The following SLC9A3 variants were observed in gnomAD, a reference collection of about 807,000 sequenced individuals.
SLC9A3 encodes the protein sodium/hydrogen exchanger 3.
A neutral mutation model predicts 86.8 loss-of-function variants in SLC9A3; 37 were observed. That is an observed-to-expected ratio of 0.43 (90% CI 0.33 to 0.56). SLC9A3 has a LOEUF of 0.56. SLC9A3 is among the 20% of genes least tolerant of loss of function. SLC9A3 has a pLI of 0.06. For synonymous variants in SLC9A3, 581 were observed against 528.3 expected, an observed-to-expected ratio of 1.10 and a Z score of -1.37; for missense variants, 1,011 against 1,171.9, an observed-to-expected ratio of 0.86 and a Z score of 2.00.
intron 2 of SLC9A3, among the ~76,000 whole-genome samples, chr5:490,823 T>G (rs1288771618): frequency 6.6e-6 from 1 of 152,176 alleles, no homozygotes; most frequent in Non-Finnish European, 1.5e-5. Flanking sequence ...GTCTGTGCCC[T>G]CGGCAGCTTT....
chr5:488,316 C>T lies in SLC9A3; in HGVS notation c.675G>A (p.Val225=). 2 of 1,612,586 alleles carry T rather than the reference C, an allele frequency of 1.2e-6. No homozygotes were observed. Among genetic ancestry groups the T allele is most frequent in the Non-Finnish European group, 1.7e-6 (2 of 1,179,808 alleles). Reference sequence around the variant, plus strand: ...CTGGAGCGGTGGCTCCGTTGCTCACCACGGTGACTGCGTCGTTCAGCAGCG... The same window carrying T: ...CTGGAGCGGTGGCTCCGTTGCTCACTACGGTGACTGCGTCGTTCAGCAGCG... ...GESLLNDAVT[V]VLYNVFESFV... The change falls in exon 3 of 17, where the codon GTG becomes GTA. Residue 225 remains valine, a splice_region_variant and synonymous_variant. Transcript: ENST00000264938.
intron 1 of SLC9A3, among the ~76,000 whole-genome samples, chr5:503,586 C>A (rs1467434149): frequency 6.6e-6 from 1 of 152,136 alleles, no homozygotes; most frequent in African/African-American, 2.4e-5. Flanking sequence ...GGCGGGGAAA[C>A]CTTGAAGAGC....
At chr5:521,301 CCTG>C (rs948171311) in intron 1 of SLC9A3, among the ~76,000 whole-genome samples, 20 of 152,250 alleles carry the variant, frequency 1.3e-4, no homozygotes, top group African/African-American at 4.8e-4. Context: ...TCCTGGGCCA[CCTG>C]CTGAGGCCCC....
At chr5:517,677 TCCATCCATCCATCCAC>T (rs1733771851) in intron 1 of SLC9A3, among the ~76,000 whole-genome samples, 1 of 149,774 alleles carries the variant, frequency 6.7e-6, no homozygotes, top group East Asian at 2.0e-4. Context: ...CATCTATCCA[TCCATCCATCCATCCAC>T]CCATCCATCC....
At chr5:483,843 C>T (rs142206311) in intron 5 of SLC9A3, among the ~76,000 whole-genome samples, 1 of 152,260 alleles carries the variant, frequency 6.6e-6, no homozygotes, top group Non-Finnish European at 1.5e-5. Context: ...TAAATAAATT[C>T]TTTGCCCCAC....
At chr5:501,514 C>T (rs1029388762) in intron 1 of SLC9A3, among the ~76,000 whole-genome samples, 1 of 151,966 alleles carries the variant, frequency 6.6e-6, no homozygotes, top group Non-Finnish European at 1.5e-5. Context: ...CCGGGGCATT[C>T]CACAGGCAGG....
chr5:507,670 ACAGACGCCCGAAT>A (rs1740665405), intron 1 of SLC9A3, among the ~76,000 whole-genome samples: 1 of 42,588 alleles, frequency 2.3e-5, no homozygotes, highest in East Asian at 6.7e-4. Flanking sequence ...CCGAATCCCC[ACAGACGCCCGAAT>A]CCCCACCCCG....
At chr5:485,086 G>T (rs2126621709) in intron 4 of SLC9A3, 67 bp downstream of exon 4, 1 of 1,197,528 alleles carries the variant, frequency 8.4e-7, no homozygotes. Context: ...TGGGCTGCAG[G>T]CCAGAGAAGA....
Position 524,146 on chromosome 5 carries a change from C to A in SLC9A3, c.177G>T (p.Ala59=), listed in dbSNP as rs1253265166. ...WAHVQDPYVI[A]LWILVASLAK... ...CCAAGCTGGCCACGAGGATCCAGAG[C>A]GCGATGACGTAGGGATCCTGCACGT... The change falls in exon 1 of 17, where the codon GCG becomes GCT. Residue 59 remains alanine (A), a synonymous_variant. Transcript: ENST00000264938. 4.5e-6 allele frequency: 7 copies of A among 1,539,800 alleles called. No homozygotes were observed. Among genetic ancestry groups the A allele is most frequent in the African/African-American group, 2.8e-5 (2 of 70,396 alleles).
chr5:498,457 C>T (rs1426519691), intron 1 of SLC9A3, among the ~76,000 whole-genome samples: 1 of 152,244 alleles, frequency 6.6e-6, no homozygotes, highest in East Asian at 1.9e-4. Flanking sequence ...GACTGGAGTG[C>T]AGCGGCACCA....
intron 4 of SLC9A3, 69 bp downstream of exon 4, chr5:485,084 A>AG: frequency 8.6e-7 from 1 of 1,164,768 alleles, no homozygotes; most frequent in Non-Finnish European, 1.3e-6. Flanking sequence ...CATGGGCTGC[A>AG]GGCCAGAGAA....
At chr5:476,495 C>T (rs529920195) in intron 12 of SLC9A3, 48 bp downstream of exon 12, 2 of 1,604,118 alleles carry the variant, frequency 1.2e-6, no homozygotes, top group Admixed American at 3.3e-5. Flanking sequence ...GGAAGCCGCC[C>T]CACGGGGTCC....
At chr5:483,105 C>T (rs1739293205) in intron 6 of SLC9A3, among the ~76,000 whole-genome samples, 157 bp downstream of exon 6, 1 of 152,042 alleles carries the variant, frequency 6.6e-6, no homozygotes, top group Non-Finnish European at 1.5e-5. Context: ...TCCAGAGCCT[C>T]CCACCCCAGC....
intron 1 of SLC9A3, among the ~76,000 whole-genome samples, chr5:492,406 C>CG (rs1739816168): frequency 7.4e-5 from 1 of 13,484 alleles, no homozygotes; most frequent in African/African-American, 3.3e-4. Context: ...GGAGGGAGGT[C>CG]GGGGTGGGAC....
chr5:484,783 G>T, intron 4 of SLC9A3, 86 bp from the exon 5 acceptor site: 1 of 1,314,866 alleles, frequency 7.6e-7, no homozygotes, highest in Non-Finnish European at 1.1e-6. Flanking sequence ...CGGAAGTGCC[G>T]GGAGCCCGGG....
intron 11 of SLC9A3, 134 bp from the exon 12 acceptor site, chr5:476,806 CG>C: frequency 9.3e-7 from 1 of 1,079,922 alleles, no homozygotes; most frequent in Non-Finnish European, 1.3e-6. Context: ...GGTGGGCACC[CG>C]GCTGGGGCAC....
intron 6 of SLC9A3, 145 bp downstream of exon 6, chr5:483,117 C>G (rs531554945): frequency 8.9e-6 from 6 of 670,772 alleles, no homozygotes. Flanking sequence ...CACCCCAGCC[C>G]CGAGGCCGCC....
intron 1 of SLC9A3, among the ~76,000 whole-genome samples, chr5:521,576 G>C (rs750578763): frequency 1.3e-5 from 2 of 152,196 alleles, no homozygotes; most frequent in Non-Finnish European, 2.9e-5. Flanking sequence ...ATTTCTGTTC[G>C]TGTAACTTGA....
intron 1 of SLC9A3, among the ~76,000 whole-genome samples, chr5:513,851 G>A (rs959152103): frequency 1.3e-5 from 2 of 152,234 alleles, no homozygotes; most frequent in African/African-American, 4.8e-5. Flanking sequence ...TAGGTCGAAC[G>A]CAGCTCTCCC....
Sources: gnomAD v4.1 joint callset for allele counts (sites outside exome capture counted in the v4.1 genomes callset) on GRCh38, gnomAD v4.1.1 for gene constraint, MANE v1.5 for transcripts, NCBI Gene and HGNC (gene_info 2026-07-23, HGNC 2026-07-21) for gene names.